Variants in MECOM observed in about 807,000 individuals in gnomAD.
MECOM encodes histone-lysine N-methyltransferase MECOM.
Under a neutral mutation model 116.3 loss-of-function variants are expected in MECOM, and 13 were observed. The observed-to-expected ratio is 0.11, with a 90% CI of 0.07 to 0.18. The LOEUF is 0.18. MECOM is among the 10% of genes least tolerant of loss of function. The pLI, the probability that MECOM is intolerant of heterozygous loss-of-function variation, is 1.00. For missense variants in MECOM, 1,299 were observed against 1,509.0 expected, an observed-to-expected ratio of 0.86 and a Z score of 2.31; for synonymous variants, 528 against 535.2, an observed-to-expected ratio of 0.99 and a Z score of 0.19.
intron 1 of MECOM, among the ~76,000 whole-genome samples, chr3:169,563,428 C>G (rs927662253): frequency 6.6e-6 from 1 of 152,198 alleles, no homozygotes; most frequent in Non-Finnish European, 1.5e-5. Flanking sequence ...TGACATATCC[C>G]ATGTTTTGAT....
At chr3:169,091,221 G>C (rs1719612312) in intron 14 of MECOM, among the ~76,000 whole-genome samples, 1 of 152,008 alleles carries the variant, frequency 6.6e-6, no homozygotes, top group Admixed American at 6.6e-5. Flanking sequence ...AACAAAAAGA[G>C]TGCATGGATG....
At chr3:169,496,682 A>G (rs149020705) in intron 1 of MECOM, among the ~76,000 whole-genome samples, 226 of 152,318 alleles carry the variant, frequency 1.5e-3, no homozygotes, top group African/African-American at 5.1e-3. Context: ...TCCATCATAA[A>G]GCCTTCCTCA....
chr3:169,101,661 T>C (rs1378835005), intron 11 of MECOM, among the ~76,000 whole-genome samples: 1 of 152,198 alleles, frequency 6.6e-6, no homozygotes, highest in Non-Finnish European at 1.5e-5. Context: ...TTTATTCACT[T>C]ATGGACCTTA....
At chr3:169,399,972 T>A (rs947978823) in intron 1 of MECOM, among the ~76,000 whole-genome samples, 4 of 152,186 alleles carry the variant, frequency 2.6e-5, no homozygotes, top group African/African-American at 9.7e-5. Context: ...AAGGAATGTC[T>A]CCAAGTTTAG....
intron 2 of MECOM, among the ~76,000 whole-genome samples, chr3:169,294,926 A>G (rs1254056113): frequency 6.6e-6 from 1 of 151,812 alleles, no homozygotes; most frequent in African/African-American, 2.4e-5. Context: ...CGGATCCACA[A>G]GCACCCTCTT....
chr3:169,315,338 T>C (rs1340059676), intron 2 of MECOM, among the ~76,000 whole-genome samples: 5 of 152,196 alleles, frequency 3.3e-5, no homozygotes, highest in Non-Finnish European at 7.3e-5. Flanking sequence ...ACTGTCCTGT[T>C]TGGCTCTTTT....
At chr3:169,203,007 A>T (rs1749389548) in intron 2 of MECOM, among the ~76,000 whole-genome samples, 1 of 152,124 alleles carries the variant, frequency 6.6e-6, no homozygotes, top group Admixed American at 6.6e-5. Context: ...GAATCAACAT[A>T]GCCATCATCC....
At chr3:169,657,712 G>A (rs766333356) in intron 1 of MECOM, among the ~76,000 whole-genome samples, 13 of 152,194 alleles carry the variant, frequency 8.5e-5, no homozygotes, top group Non-Finnish European at 1.6e-4. Context: ...CCCAGCCAGG[G>A]CACTTCAAAG....
At chr3:169,651,459 G>A (rs1436278473) in intron 1 of MECOM, among the ~76,000 whole-genome samples, 2 of 152,158 alleles carry the variant, frequency 1.3e-5, no homozygotes, top group Non-Finnish European at 2.9e-5. Flanking sequence ...CAGGATATTG[G>A]TCTGTAGTTT....
intron 2 of MECOM, among the ~76,000 whole-genome samples, chr3:169,380,707 G>T (rs1030298105): frequency 6.6e-6 from 1 of 152,056 alleles, no homozygotes; most frequent in African/African-American, 2.4e-5. Flanking sequence ...TATCAAAAGA[G>T]AGGCAAAATA....
intron 1 of MECOM, chr3:169,613,910 T>C (rs1171119760): frequency 6.6e-6 from 1 of 152,178 alleles, no homozygotes; most frequent in Non-Finnish European, 1.5e-5. Context: ...CTTGTTAAAA[T>C]ACCCTTTAAA....
chr3:169,252,725 T>C (rs1382371013), intron 2 of MECOM, among the ~76,000 whole-genome samples: 2 of 152,166 alleles, frequency 1.3e-5, no homozygotes, highest in Non-Finnish European at 2.9e-5. Flanking sequence ...ACAGAGGCAC[T>C]AAAGGACACC....
intron 4 of MECOM, 62 bp from the exon 5 acceptor site, chr3:169,128,122 A>G (rs1290334950): frequency 2.8e-6 from 4 of 1,441,844 alleles, no homozygotes; most frequent in Non-Finnish European, 3.9e-6. Context: ...AAACCAGCCA[A>G]TCTTACCAAA....
chr3:169,642,943 C>T (rs1042409650), intron 1 of MECOM, among the ~76,000 whole-genome samples: 4 of 152,076 alleles, frequency 2.6e-5, no homozygotes, highest in Non-Finnish European at 4.4e-5. Context: ...AGAATGAAAA[C>T]CCAGTAGCAT....
intron 2 of MECOM, among the ~76,000 whole-genome samples, chr3:169,286,830 G>A (rs555620612): frequency 4.6e-5 from 7 of 152,124 alleles, no homozygotes; most frequent in Admixed American, 2.0e-4. Context: ...CCAACGCCCC[G>A]AGAAGAACCC....
chr3:169,140,141 CT>C (rs1184058534), intron 3 of MECOM, among the ~76,000 whole-genome samples: 2 of 151,966 alleles, frequency 1.3e-5, no homozygotes, highest in Non-Finnish European at 2.9e-5. Context: ...CAACTCTCTG[CT>C]TTTGCTCCTA....
At chr3:169,211,795 C>G (rs556376275) in intron 2 of MECOM, among the ~76,000 whole-genome samples, 5 of 152,152 alleles carry the variant, frequency 3.3e-5, no homozygotes, top group Non-Finnish European at 5.9e-5. Context: ...CTTGACCTCA[C>G]TAGACAAAAG....
At chr3:169,653,565 A>G (rs576284932) in intron 1 of MECOM, among the ~76,000 whole-genome samples, 1 of 152,228 alleles carries the variant, frequency 6.6e-6, no homozygotes, top group Admixed American at 6.5e-5. Context: ...TTTACAAACT[A>G]TGGCAACATT....
intron 2 of MECOM, among the ~76,000 whole-genome samples, chr3:169,368,400 C>T (rs549134094): frequency 2.5e-4 from 38 of 152,132 alleles, no homozygotes; most frequent in African/African-American, 8.2e-4. Context: ...TGTAAATAAA[C>T]TTTGAGATGT....
Sources: gnomAD v4.1 joint callset for allele counts (sites outside exome capture counted in the v4.1 genomes callset) on GRCh38, gnomAD v4.1.1 for gene constraint, MANE v1.5 for transcripts, NCBI Gene and HGNC (gene_info 2026-07-23, HGNC 2026-07-21) for gene names.